TRIM37: variants seen among roughly 807,000 people sequenced by gnomAD.
The protein encoded by TRIM37 is tripartite motif containing 37.
Under a neutral mutation model 129.8 loss-of-function variants are expected in TRIM37, and 80 were observed. The observed-to-expected ratio is 0.62, with a 90% confidence interval of 0.51 to 0.74. The LOEUF (loss-of-function observed/expected upper bound fraction) is 0.74. TRIM37 is among the 30% of genes least tolerant of loss of function. The probability of loss-of-function intolerance (pLI) is 0.00; values close to 1 mark genes in which losing one functional copy is unlikely to be tolerated. For synonymous variants in TRIM37, 389 were observed against 387.1 expected (o/e 1.00, Z -0.06); for missense variants, 1,054 against 1,176.5 (o/e 0.90, Z 1.52).
chr17:59,039,615 G>T (rs529312747), intron 17 of TRIM37, among the ~76,000 whole-genome samples: 1 of 151,414 alleles, frequency 6.6e-6, no homozygotes, highest in Admixed American at 6.6e-5. Flanking sequence ...AACGTGCTGG[G>T]ATTACAGGTG....
chr17:59,028,700 C>CT lies in TRIM37; in HGVS notation c.1971dup (p.Asp658ArgfsTer14). The CT allele has an allele frequency of 2.5e-6, 4 of 1,614,102 alleles. No individual in the cohort carries two copies. Among genetic ancestry groups the CT allele is most frequent in the Non-Finnish European group, 3.4e-6 (4 of 1,180,010 alleles). ...CACATTGCCTGTTGCTTCCTTTGGT[C>CT]TTTATCTTTTCGAGAATATGATGCT... On this transcript the variant is annotated frameshift_variant, in exon 19 of 24. Coordinates refer to ENST00000262294, the MANE Select transcript of TRIM37 (RefSeq NM_015294.6). LOFTEE classifies it high-confidence loss of function.
intron 17 of TRIM37, among the ~76,000 whole-genome samples, chr17:59,036,489 C>T (rs942532732): frequency 9.4e-5 from 13 of 138,604 alleles, no homozygotes; most frequent in African/African-American, 2.6e-4. Flanking sequence ...TGTGTGCACG[C>T]GTGTGTTTTA....
intron 8 of TRIM37, among the ~76,000 whole-genome samples, chr17:59,071,894 C>T (rs2042402396): frequency 1.3e-5 from 2 of 152,184 alleles, no homozygotes; most frequent in South Asian, 2.1e-4. Context: ...CCACTGCTTA[C>T]TTCGTGAAGT....
At chr17:59,083,434 CAA>C (rs780112963) in intron 5 of TRIM37, among the ~76,000 whole-genome samples, 7 of 98,192 alleles carry the variant, frequency 7.1e-5, no homozygotes, top group Admixed American at 1.1e-4. Context: ...GCGAAATTCT[CAA>C]AAAAAAAAAA....
In TRIM37 at chr17:59,015,730, C is replaced by T; in HGVS notation, c.2456G>A (p.Gly819Asp). Reference sequence around the variant, plus strand: ...GTCTTCAGTTTTTGGCAGAATATCACCGATACTGCCATGTATCAAGGCTCG... The same window carrying T: ...GTCTTCAGTTTTTGGCAGAATATCATCGATACTGCCATGTATCAAGGCTCG... ...SPRALIHGSI[G>D]DILPKTEDRQ... The change falls in exon 21 of 24, where the codon GGT becomes GAT. Residue 819 changes from glycine (G) to aspartate (D), a missense_variant. Transcript: ENST00000262294. 5 of 1,614,086 alleles carry T rather than the reference C, an allele frequency of 3.1e-6. No individual in the cohort carries two copies. The highest frequency in any genetic ancestry group is 4.2e-6 in the Non-Finnish European group (5 of 1,180,008).
intron 8 of TRIM37, among the ~76,000 whole-genome samples, chr17:59,072,299 C>T (rs536225863): frequency 8.5e-5 from 13 of 152,208 alleles, no homozygotes; most frequent in Non-Finnish European, 1.8e-4. Flanking sequence ...TTAAGTCTCA[C>T]AGTCATTGGT....
At chr17:59,056,135 G>T (rs2040844831) in intron 13 of TRIM37, among the ~76,000 whole-genome samples, 1 of 152,066 alleles carries the variant, frequency 6.6e-6, no homozygotes, top group South Asian at 2.1e-4. Context: ...AAATGGTGAG[G>T]TCACTAGAAG....
downstream of TRIM37, among the ~76,000 whole-genome samples, chr17:58,995,288 C>T (rs188174052): frequency 2.6e-5 from 4 of 151,924 alleles, no homozygotes; most frequent in African/African-American, 9.7e-5. Context: ...TATGTGGCAT[C>T]CAAATCTTTG....
chr17:59,042,472 A>ATATATATC, intron 16 of TRIM37, among the ~76,000 whole-genome samples: 1 of 125,366 alleles, frequency 8.0e-6, no homozygotes, highest in African/African-American at 2.9e-5. Flanking sequence ...ATATATATAT[A>ATATATATC]TATCTCAAGG....
Position 59,001,719 on chromosome 17 carries a change from C to A in TRIM37, c.2696-5G>T. ...TGTCACTGTCGCTACTCATTCCTGG[C>A]AGGAAGGAAGGAGAACATGTTTCTG... On this transcript the variant is annotated splice_region_variant and splice_polypyrimidine_tract_variant and intron_variant, in intron 22 of 23. Transcript: ENST00000262294. 6.2e-7 allele frequency: 1 copy of A among 1,613,850 alleles called. No homozygotes were observed. Among genetic ancestry groups the A allele is most frequent in the Non-Finnish European group, 8.5e-7 (1 of 1,179,930 alleles).
intron 18 of TRIM37, among the ~76,000 whole-genome samples, chr17:59,029,014 T>C (rs972225015): frequency 2.0e-5 from 3 of 152,226 alleles, no homozygotes; most frequent in African/African-American, 7.2e-5. Context: ...TTTAAACTTC[T>C]CCACTTTTCT....
intron 20 of TRIM37, 87 bp downstream of exon 20, chr17:59,017,209 T>C: frequency 6.5e-7 from 1 of 1,534,590 alleles, no homozygotes; most frequent in Non-Finnish European, 9.0e-7. Context: ...TTGGTGCCCT[T>C]CAAGATCTAA....
rs948683923 is a variant in TRIM37, at chr17:59,092,222, G to A, written c.124-882C>T. Reference sequence around the variant, plus strand: ...AGCCTGGCCAACATGGTGAAACCCCGTCTCTACTAAAAACACAAAAATTAG... The same window carrying A: ...AGCCTGGCCAACATGGTGAAACCCCATCTCTACTAAAAACACAAAAATTAG... On this transcript the variant is annotated intron_variant, in intron 2 of 23. Transcript: ENST00000262294. 7.9e-5 allele frequency among the ~76,000 whole-genome samples: 12 copies of A among 151,800 alleles called. No individual in the cohort carries two copies. In the East Asian group the frequency reaches 1.9e-3, roughly 24 times the overall value.
At chr17:58,989,365 G>A (rs2032130319) in intron 24 of TRIM37, among the ~76,000 whole-genome samples, 1 of 152,148 alleles carries the variant, frequency 6.6e-6, no homozygotes, top group Non-Finnish European at 1.5e-5. Context: ...GAACCTTGGA[G>A]GTGGAGGTTG....
intron 16 of TRIM37, among the ~76,000 whole-genome samples, chr17:59,045,237 G>A (rs932034546): frequency 6.6e-6 from 1 of 152,092 alleles, no homozygotes; most frequent in East Asian, 1.9e-4. Context: ...ACTGAGGCAG[G>A]AGAATGGTGT....
At position 58,999,255 on chromosome 17, in the gene TRIM37, A is replaced by C. The variant is rs2033357139; in HGVS notation, c.*122T>G. On this transcript the variant is annotated 3_prime_UTR_variant, in exon 24 of 24. Transcript: ENST00000262294. ...CCAACAGTTTCCAAATTACTATTTCAGGTCGAGATAATGAAGAAATAAGAC... is the reference window on the plus strand; with the variant it reads ...CCAACAGTTTCCAAATTACTATTTCCGGTCGAGATAATGAAGAAATAAGAC... The C allele has an allele frequency of 6.3e-7, 1 of 1,596,082 alleles. No individual in the cohort carries two copies. Among genetic ancestry groups the C allele is most frequent in the Admixed American group, 1.7e-5 (1 of 58,804 alleles).
chr17:59,001,498 TAG>T, intron 23 of TRIM37, 98 bp downstream of exon 23: 1 of 1,400,884 alleles, frequency 7.1e-7, no homozygotes, highest in Non-Finnish European at 9.7e-7. Flanking sequence ...GCAAAAGCAG[TAG>T]AGCGGAAAAA....
chr17:59,084,621 T>C (rs923950579), intron 4 of TRIM37, among the ~76,000 whole-genome samples: 3 of 152,264 alleles, frequency 2.0e-5, no homozygotes, highest in African/African-American at 7.2e-5. Context: ...GACTCTGTTA[T>C]GGATTAACTA....
chr17:59,101,650 C>T (rs547714428), intron 2 of TRIM37, among the ~76,000 whole-genome samples: 2 of 70,210 alleles, frequency 2.8e-5, no homozygotes, highest in African/African-American at 6.0e-5. Context: ...GAAACCCCAT[C>T]TCTACAAAAA....
Sources: gnomAD v4.1 joint callset for allele counts (sites outside exome capture counted in the v4.1 genomes callset) on GRCh38, gnomAD v4.1.1 for gene constraint, MANE v1.5 for transcripts, NCBI Gene and HGNC (gene_info 2026-07-23, HGNC 2026-07-21) for gene names.